Variants in CADPS observed in about 807,000 individuals in gnomAD.
The protein encoded by CADPS is calcium-dependent secretion activator 1.
A neutral mutation model predicts 167.3 loss-of-function variants in CADPS; 57 were observed. The ratio of observed to expected loss-of-function variants is 0.34; its 90% CI spans 0.28 to 0.42. The LOEUF (loss-of-function observed/expected upper bound fraction) is 0.42, where lower values mean the gene tolerates loss of function less well. Ranked by LOEUF, CADPS falls within the 20% of genes least tolerant of loss-of-function variation. The pLI is 1.00. For synonymous variants in CADPS, 676 were observed against 635.3 expected (o/e 1.06, Z -0.96); for missense variants, 1,414 against 1,738.1 (o/e 0.81, Z 3.32).
intron 6 of CADPS, among the ~76,000 whole-genome samples, chr3:62,624,951 G>A (rs779821907): frequency 2.1e-5 from 3 of 143,838 alleles, no homozygotes; most frequent in Admixed American, 1.3e-4. Context: ...GCCTCATTCT[G>A]AAATTTGAAA....
At chr3:62,410,191 C>T (rs1019972705) in intron 28 of CADPS, among the ~76,000 whole-genome samples, 3 of 152,186 alleles carry the variant, frequency 2.0e-5, no homozygotes, top group Admixed American at 2.0e-4. Context: ...CAGAAACACA[C>T]ACCTTCACAC....
At chr3:62,724,782 C>T (rs1329354259) in intron 3 of CADPS, among the ~76,000 whole-genome samples, 1 of 152,230 alleles carries the variant, frequency 6.6e-6, no homozygotes, top group Non-Finnish European at 1.5e-5. Flanking sequence ...TCCACGAAAC[C>T]TTCAAAAGAT....
chr3:62,837,342 C>G (rs2153022010), intron 1 of CADPS, among the ~76,000 whole-genome samples: 1 of 152,254 alleles, frequency 6.6e-6, no homozygotes, highest in East Asian at 1.9e-4. Flanking sequence ...GCTCAGTTCC[C>G]CAACCCGCAT....
chr3:62,798,588 T>C (rs926694319), intron 1 of CADPS, among the ~76,000 whole-genome samples: 1 of 152,112 alleles, frequency 6.6e-6, no homozygotes, highest in Admixed American at 6.6e-5. Context: ...CAGATTCACA[T>C]CTATCCTATT....
At chr3:62,525,559 T>C (rs1282074085) in intron 13 of CADPS, among the ~76,000 whole-genome samples, 1 of 152,158 alleles carries the variant, frequency 6.6e-6, no homozygotes, top group Admixed American at 6.6e-5. Context: ...CATCAGTGCC[T>C]GCCTGCTATA....
chr3:62,536,426 G>C lies in CADPS; in HGVS notation c.2103+19C>G. ...AAAATGTTATGTTTAAATTGCTGTA[G>C]ACCAAAGAATATACTTGCCAGGCAA... On this transcript the variant is annotated intron_variant, in intron 12 of 29. Transcript: ENST00000383710. 3 of 1,606,070 alleles carry C rather than the reference G, an allele frequency of 1.9e-6. No individual in the cohort carries two copies. Among genetic ancestry groups the C allele is most frequent in the Non-Finnish European group, 1.7e-6 (2 of 1,174,322 alleles).
chr3:62,616,282 G>A (rs2149387156), intron 6 of CADPS, among the ~76,000 whole-genome samples: 1 of 152,198 alleles, frequency 6.6e-6, no homozygotes, highest in Admixed American at 6.5e-5. Context: ...ATTCAGAGCT[G>A]TTTGGATTAG....
chr3:62,738,495 A>AT (rs2079480012), intron 3 of CADPS, among the ~76,000 whole-genome samples: 2 of 151,962 alleles, frequency 1.3e-5, no homozygotes, highest in South Asian at 4.2e-4. Flanking sequence ...AGGCCGAGGC[A>AT]GGTGGATCAT....
At chr3:62,824,637 G>C (rs1325887985) in intron 1 of CADPS, among the ~76,000 whole-genome samples, 1 of 152,086 alleles carries the variant, frequency 6.6e-6, no homozygotes, top group Admixed American at 6.6e-5. Context: ...AATATTTTGA[G>C]TAATTTTCTT....
intron 1 of CADPS, among the ~76,000 whole-genome samples, chr3:62,798,575 C>T (rs1186433420): frequency 1.3e-5 from 2 of 152,074 alleles, no homozygotes; most frequent in African/African-American, 2.4e-5. Context: ...ATAAACTCCC[C>T]TTCAGATTCA....
At chr3:62,572,773 T>G (rs1024064470) in intron 8 of CADPS, among the ~76,000 whole-genome samples, 10 of 152,242 alleles carry the variant, frequency 6.6e-5, no homozygotes, top group Admixed American at 6.5e-5. Context: ...CTACAGGGAA[T>G]TGGTTCCAGG....
chr3:62,770,723 A>T lies in CADPS; in HGVS notation c.442-4739T>A, dbSNP rs112969326. The stretch of plus-strand genomic sequence containing the variant: ...TTATAAGCGTGAGCCGTCATGCCCA[A>T]TCGGTATAAGAGATTCTCACAAACT... On this transcript the variant is annotated intron_variant, in intron 1 of 29. Transcript: ENST00000383710. Among the ~76,000 whole-genome samples, 806 of 152,248 alleles carry T rather than the reference A, an allele frequency of 5.3e-3. 12 individuals are homozygous for T. The highest frequency in any genetic ancestry group is 0.019 in the African/African-American group (769 of 41,548).
chr3:62,836,048 A>G (rs1201480992), intron 1 of CADPS, among the ~76,000 whole-genome samples: 5 of 152,026 alleles, frequency 3.3e-5, no homozygotes, highest in Non-Finnish European at 7.4e-5. Context: ...AGTTTTGTTG[A>G]GCACCCTCTG....
chr3:62,681,264 T>C (rs1161221856), intron 3 of CADPS, among the ~76,000 whole-genome samples: 2 of 152,040 alleles, frequency 1.3e-5, no homozygotes, highest in African/African-American at 4.8e-5. Flanking sequence ...AAGACTCTTC[T>C]CAAAGACTTT....
At chr3:62,766,466 G>C (rs1393219116) in intron 1 of CADPS, among the ~76,000 whole-genome samples, 1 of 152,096 alleles carries the variant, frequency 6.6e-6, no homozygotes, top group African/African-American at 2.4e-5. Context: ...CTGAGAAATG[G>C]TTGTTAAACA....
chr3:62,741,164 C>G (rs545227655), intron 3 of CADPS, among the ~76,000 whole-genome samples: 1 of 152,154 alleles, frequency 6.6e-6, no homozygotes, highest in African/African-American at 2.4e-5. Flanking sequence ...TAGCACCAAC[C>G]ACCTTATTAA....
At chr3:62,715,352 C>A (rs2084251788) in intron 3 of CADPS, among the ~76,000 whole-genome samples, 1 of 135,318 alleles carries the variant, frequency 7.4e-6, no homozygotes, top group South Asian at 2.6e-4. Flanking sequence ...TGTTGGCCAG[C>A]CCTATCTATC....
rs896509934 is a variant in CADPS at position 62,458,891 on chromosome 3, C to T, written c.3636+6476G>A. 2.0e-5 allele frequency among the ~76,000 whole-genome samples: 3 copies of T among 152,228 alleles called. No homozygotes were observed. Among genetic ancestry groups the T allele is most frequent in the Admixed American group, 6.5e-5 (1 of 15,286 alleles). ...TTGAATGATATTCAGCTGTTCACTA[C>T]ACAATATTAAGTGAAATAGTTAACT... is the stretch of plus-strand genomic sequence containing the variant. On this transcript the variant is annotated intron_variant, in intron 26 of 29. Coordinates refer to ENST00000383710, the MANE Select transcript of CADPS (RefSeq NM_003716.4). The surrounding 1 kb of genome is among the most constrained non-coding windows in gnomAD (Gnocchi z 4.6).
intron 6 of CADPS, among the ~76,000 whole-genome samples, chr3:62,616,598 A>G (rs1231893452): frequency 6.6e-6 from 1 of 152,168 alleles, no homozygotes; most frequent in Non-Finnish European, 1.5e-5. Flanking sequence ...TAATCACGTT[A>G]CAGCACATCT....
Sources: allele counts gnomAD v4.1 joint callset (sites outside exome capture counted in the v4.1 genomes callset), GRCh38; gene constraint gnomAD v4.1.1; non-coding constraint Gnocchi (gnomAD v3.1); transcripts MANE v1.5; gene names NCBI Gene and HGNC (gene_info 2026-07-23, HGNC 2026-07-21).